SNX30: variants seen among roughly 807,000 people sequenced by gnomAD.
The protein encoded by SNX30 is sorting nexin-30.
Under a neutral mutation model 46.4 loss-of-function variants are expected in SNX30, and 24 were observed. The observed-to-expected ratio is 0.52, with a 90% CI of 0.37 to 0.73. SNX30 has a LOEUF of 0.73. SNX30 is among the 30% of genes least tolerant of loss of function. The probability of loss-of-function intolerance (pLI) is 0.00; values close to 1 mark genes in which losing one functional copy is unlikely to be tolerated. For missense variants in SNX30, 533 were observed against 555.7 expected (o/e 0.96, Z 0.41); for synonymous variants, 189 against 211.5 (o/e 0.89, Z 0.92).
chr9:112,817,045 A>AT (rs1416344947), intron 2 of SNX30, among the ~76,000 whole-genome samples: 2 of 152,052 alleles, frequency 1.3e-5, no homozygotes, highest in African/African-American at 2.4e-5. Context: ...TTATTTCTAG[A>AT]TTTTTTCTTA....
intron 1 of SNX30, among the ~76,000 whole-genome samples, chr9:112,777,254 G>A (rs1351381745): frequency 6.6e-6 from 1 of 151,446 alleles, no homozygotes; most frequent in Non-Finnish European, 1.5e-5. Flanking sequence ...TATTCCTTTT[G>A]TCATTCCCTT....
chr9:112,854,893 G>A (rs10981530), intron 7 of SNX30, among the ~76,000 whole-genome samples: 11,485 of 152,284 alleles, frequency 0.075, 459 homozygotes, highest in Non-Finnish European at 0.092. Flanking sequence ...AGTGCTCGGC[G>A]TAGTGTCTGA....
At chr9:112,831,100 G>A (rs1244583235) in intron 4 of SNX30, among the ~76,000 whole-genome samples, 2 of 149,730 alleles carry the variant, frequency 1.3e-5, no homozygotes, top group East Asian at 3.9e-4. Context: ...TCGTGCCACT[G>A]CACTGCAGCC....
chr9:112,824,584 G>A (rs987379140), intron 3 of SNX30, among the ~76,000 whole-genome samples: 5 of 150,656 alleles, frequency 3.3e-5, no homozygotes, highest in African/African-American at 9.8e-5. Context: ...TTACAGCTCT[G>A]GAGGTCAAAA....
At chr9:112,885,457 T>TATATATGTGTATATATA, downstream of SNX30, 1 of 150,928 alleles carries the variant, frequency 6.6e-6, no homozygotes, top group Admixed American at 6.6e-5. Flanking sequence ...TATATATATA[T>TATATATGTGTATATATA]TCCTTTCTCA....
At chr9:112,835,762 A>G (rs531802612) in intron 4 of SNX30, among the ~76,000 whole-genome samples, 1 of 152,278 alleles carries the variant, frequency 6.6e-6, no homozygotes, top group Non-Finnish European at 1.5e-5. Context: ...TTTTTCTGCC[A>G]CTGTTTCCTG....
intron 1 of SNX30, among the ~76,000 whole-genome samples, chr9:112,793,993 T>C (rs1840067499): frequency 6.6e-6 from 1 of 150,698 alleles, no homozygotes; most frequent in African/African-American, 2.5e-5. Flanking sequence ...TTGGGATTTT[T>C]CTAGGTTTCA....
chr9:112,782,730 A>G (rs927075264), intron 1 of SNX30, among the ~76,000 whole-genome samples: 6 of 152,240 alleles, frequency 3.9e-5, no homozygotes, highest in African/African-American at 1.4e-4. Context: ...ATGGTGAGTT[A>G]TCAAGCTATT....
chr9:112,805,852 G>A (rs1029544831), intron 2 of SNX30, among the ~76,000 whole-genome samples: 2 of 152,082 alleles, frequency 1.3e-5, no homozygotes, highest in African/African-American at 2.4e-5. Flanking sequence ...CAAATAACTC[G>A]CTCAAAGTTA....
rs1841417778 is a variant in SNX30 at position 112,869,841 on chromosome 9, G to A, written c.*998G>A. 1 of 152,136 alleles carries A rather than the reference G, an allele frequency of 6.6e-6. No homozygotes were observed. The highest frequency in any genetic ancestry group is 1.5e-5 in the Non-Finnish European group (1 of 68,024). The allele number at this position is 152,136 out of a possible 1,614,324, so 9.4% of individuals were successfully genotyped here. A position where few individuals can be genotyped will look rare whatever the true frequency, so the allele number is the denominator to read the frequency against. On this transcript the variant is annotated 3_prime_UTR_variant, in exon 9 of 9. Transcript: ENST00000374232. ...TTTAATATTTCCTCCTGTGTCCTCT[G>A]AATGTCTGGGCGAGCTTTTGGTGAG...
intron 4 of SNX30, among the ~76,000 whole-genome samples, chr9:112,832,083 C>CATG (rs1271140889): frequency 6.6e-6 from 1 of 152,162 alleles, no homozygotes; most frequent in Non-Finnish European, 1.5e-5. Context: ...GTGGAAGCCG[C>CATG]ATGACAGAGT....
At chr9:112,775,542 T>TTGTTTGTGTGTGTG (rs1219813458) in intron 1 of SNX30, among the ~76,000 whole-genome samples, 2 of 131,336 alleles carry the variant, frequency 1.5e-5, no homozygotes, top group Non-Finnish European at 3.2e-5. Context: ...TATTTTAAAT[T>TTGTTTGTGTGTGTG]TGTGTGTGTG....
At chr9:112,878,302 T>C (rs774259617), downstream of SNX30, 1 of 152,306 alleles carries the variant, frequency 6.6e-6, no homozygotes, top group Non-Finnish European at 1.5e-5. Context: ...TACTTGTCCT[T>C]CCGTCTGCTG....
At chr9:112,814,604 A>G (rs1192650366) in intron 2 of SNX30, among the ~76,000 whole-genome samples, 1 of 152,234 alleles carries the variant, frequency 6.6e-6, no homozygotes, top group Non-Finnish European at 1.5e-5. Context: ...CTTTTGGCCA[A>G]TAAACATTTG....
At chr9:112,868,116 C>T (rs1351534397) in intron 8 of SNX30, among the ~76,000 whole-genome samples, 1 of 152,194 alleles carries the variant, frequency 6.6e-6, no homozygotes, top group Non-Finnish European at 1.5e-5. Flanking sequence ...GTCTTGTCTT[C>T]CCCATCCATG....
intron 1 of SNX30, among the ~76,000 whole-genome samples, chr9:112,767,533 A>G (rs1249473992): frequency 1.3e-5 from 2 of 151,618 alleles, no homozygotes; most frequent in Non-Finnish European, 2.9e-5. Context: ...TTTTTTTCCT[A>G]GGAGTTTTAT....
At chr9:112,865,661 A>ATGTGTGTGTGTGTGTGTGTGTGTGTGTG (rs1277699270) in intron 8 of SNX30, among the ~76,000 whole-genome samples, 2 of 105,702 alleles carry the variant, frequency 1.9e-5, no homozygotes, top group Admixed American at 9.5e-5. Flanking sequence ...ATATATATAT[A>ATGTGTGTGTGTGTGTGTGTGTGTGTGTG]TGTATGTATG....
chr9:112,822,114 A>G lies in SNX30; in HGVS notation c.459+4299A>G, dbSNP rs545792435. On this transcript the variant is annotated intron_variant, in intron 3 of 8. Transcript: ENST00000374232. The stretch of plus-strand genomic sequence containing the variant: ...TTTTTGGTAGAGACAGAGTCTTGCT[A>G]TGTTGCCCAGGCTGGTCTCAAACTC... Among the ~76,000 whole-genome samples, 224 of 151,296 alleles carry G rather than the reference A, an allele frequency of 1.5e-3. 1 individual carries two copies. The highest frequency in any genetic ancestry group is 4.4e-3 in the African/African-American group (182 of 41,252).
chr9:112,868,308 T>C (rs972430873), intron 8 of SNX30, among the ~76,000 whole-genome samples: 1 of 152,184 alleles, frequency 6.6e-6, no homozygotes, highest in African/African-American at 2.4e-5. Context: ...AAACTTGAGG[T>C]TGGTGAGGAA....
Sources: allele counts gnomAD v4.1 joint callset (sites outside exome capture counted in the v4.1 genomes callset), GRCh38; gene constraint gnomAD v4.1.1; transcripts MANE v1.5; gene names NCBI Gene and HGNC (gene_info 2026-07-23, HGNC 2026-07-21).